Variants in NDST4 observed in about 807,000 individuals in gnomAD.
The protein encoded by NDST4 is N-deacetylase and N-sulfotransferase 4.
Under a neutral mutation model 100.8 loss-of-function variants are expected in NDST4, and 63 were observed. That is an observed-to-expected ratio of 0.62 (90% CI 0.51 to 0.77). The LOEUF (loss-of-function observed/expected upper bound fraction) is 0.77, where lower values mean the gene tolerates loss of function less well. NDST4 is among the 30% of genes least tolerant of loss of function. The pLI is 0.00. For synonymous variants in NDST4, 377 were observed against 361.8 expected (o/e 1.04, Z -0.48); for missense variants, 943 against 1,018.4 (o/e 0.93, Z 1.01).
chr4:115,091,895 C>T (rs1729528076), intron 1 of NDST4, among the ~76,000 whole-genome samples: 1 of 152,016 alleles, frequency 6.6e-6, no homozygotes, highest in African/African-American at 2.4e-5. Flanking sequence ...TACTAACAAA[C>T]CTTTGGTAAC....
intron 2 of NDST4, among the ~76,000 whole-genome samples, chr4:115,010,666 C>A (rs149809218): frequency 0.17 from 12,293 of 73,174 alleles, 3,978 homozygotes; most frequent in African/African-American, 0.5. Context: ...TGCACATGTA[C>A]CCTAAAACTT....
intron 2 of NDST4, among the ~76,000 whole-genome samples, chr4:115,039,077 G>A (rs28730954): frequency 0.094 from 14,311 of 152,106 alleles, 2,063 homozygotes; most frequent in African/African-American, 0.31. Flanking sequence ...ACTGAAAATC[G>A]TGGACTATAT....
In NDST4 at chr4:114,845,775, T is replaced by C. The variant is rs968433586; in HGVS notation, c.2115+48A>G. 3 of 1,523,934 alleles carry C rather than the reference T, an allele frequency of 2.0e-6. No homozygotes were observed. The African/African-American group carries it at 4.2e-5, about 21-fold the overall frequency. 94.4% of individuals were successfully genotyped at this position (1,523,934 alleles called of 1,614,324 possible). ...TTCTGGTTATTTTTCATTGCCTCCA[T>C]TTAAGCTATAACAAAATGCTTTTAG... On this transcript the variant is annotated intron_variant, in intron 10 of 13. Transcript: ENST00000264363.
intron 6 of NDST4, among the ~76,000 whole-genome samples, chr4:114,911,318 C>T (rs955032069): frequency 1.3e-5 from 2 of 152,078 alleles, no homozygotes; most frequent in Non-Finnish European, 2.9e-5. Context: ...GAGCTTATGC[C>T]AATTGCTACT....
At chr4:115,006,453 T>C (rs1727419380) in intron 2 of NDST4, among the ~76,000 whole-genome samples, 1 of 152,100 alleles carries the variant, frequency 6.6e-6, no homozygotes. Flanking sequence ...AAAGGGGTAG[T>C]AATAAATATG....
intron 2 of NDST4, among the ~76,000 whole-genome samples, chr4:115,042,751 A>C (rs1445854173): frequency 6.6e-6 from 1 of 152,084 alleles, no homozygotes; most frequent in Non-Finnish European, 1.5e-5. Flanking sequence ...TAGGCATCTT[A>C]ACAACTGGCA....
intron 1 of NDST4, among the ~76,000 whole-genome samples, chr4:115,112,200 GA>G (rs796142657): frequency 0.039 from 4,793 of 124,206 alleles, 186 homozygotes; most frequent in African/African-American, 0.1. Context: ...CTTTTGATAT[GA>G]AAAAAAAAAA....
intron 6 of NDST4, among the ~76,000 whole-genome samples, chr4:114,889,832 C>A (rs1408560621): frequency 6.6e-6 from 1 of 152,028 alleles, no homozygotes; most frequent in Non-Finnish European, 1.5e-5. Context: ...TTTATTTTCC[C>A]AGAGCCTCAG....
Position 115,097,632 on chromosome 4 carries a change from C to T in NDST4, c.-247+15812G>A, listed in dbSNP as rs182320915. ...AAATTTCTTTCTAATTGATCTCTGC[C>T]TAAGCCCTTGCTCCACATCATTTTT... On this transcript the variant is annotated intron_variant, in intron 1 of 13. Coordinates refer to ENST00000264363, the MANE Select transcript of NDST4 (RefSeq NM_022569.3). Among the ~76,000 whole-genome samples the T allele has an allele frequency of 2.9e-3, 440 of 152,232 alleles. 3 individuals carry two copies. The highest frequency in any genetic ancestry group is 4.8e-3 in the South Asian group (23 of 4,830).
intron 2 of NDST4, among the ~76,000 whole-genome samples, chr4:114,984,600 T>C (rs17047542): frequency 0.027 from 4,072 of 152,280 alleles, 123 homozygotes; most frequent in African/African-American, 0.067. Context: ...GATTATGATA[T>C]GGGAATCAGA....
chr4:114,974,441 G>C (rs2126242685), intron 3 of NDST4, among the ~76,000 whole-genome samples: 1 of 152,186 alleles, frequency 6.6e-6, no homozygotes, highest in East Asian at 1.9e-4. Context: ...CATTATTCAT[G>C]AATTAATTAT....
rs193024335 is a variant in NDST4, at chr4:115,089,101, T to C, written c.-246-11819A>G. ...ACAATAACCATATTTATGTCTTGAA[T>C]ATATTCACCTTCTTTCTCTACCCCA... is the stretch of plus-strand genomic sequence containing the variant. On this transcript the variant is annotated intron_variant, in intron 1 of 13. Transcript: ENST00000264363. Among the ~76,000 whole-genome samples the C allele has an allele frequency of 9.2e-5, 14 of 152,218 alleles. No individual in the cohort carries two copies. The East Asian group carries it at 1.7e-3, about 19-fold the overall frequency.
chr4:114,935,298 T>A lies in NDST4; in HGVS notation c.1444A>T (p.Thr482Ser). Residue 482 changes from threonine to serine, a missense_variant, in exon 6 of 14, where the codon ACT (threonine) becomes TCT (serine). By Grantham distance (58) the Thr-to-Ser change is moderately conservative. Around this residue, in one of 2 missense-constraint regions of NDST4, gnomAD observed 526 missense variants for 634.1 expected, o/e 0.83. Coordinates refer to ENST00000264363, the MANE Select transcript of NDST4 (RefSeq NM_022569.3). Reference protein sequence around the residue: ...PRQTCGLFTHTIFYKEYPGGP... With the variant: ...PRQTCGLFTHSIFYKEYPGGP... ...CCTGGATATTCTTTGTAGAAAATAG[T>A]GTGAGTGAACAACCCACAAGTCTGT... 1 of 1,610,336 alleles carries A rather than the reference T, an allele frequency of 6.2e-7. No homozygotes were observed. The highest frequency in any genetic ancestry group is 8.5e-7 in the Non-Finnish European group (1 of 1,178,360).
Position 115,012,424 on chromosome 4 carries a change from T to C in NDST4, c.979-35150A>G, listed in dbSNP as rs578215594. ...AATCAAATGTTTTATTACTTGACGG[T>C]TGCAAAGTAAAACTATCATTCCAAC... is the stretch of plus-strand genomic sequence containing the variant. On this transcript the variant is annotated intron_variant, in intron 2 of 13. Transcript: ENST00000264363. 7.1e-4 allele frequency among the ~76,000 whole-genome samples: 108 copies of C among 152,112 alleles called. 1 individual carries two copies. The highest frequency in any genetic ancestry group is 5.8e-4 in the East Asian group (3 of 5,176).
At chr4:115,061,057 C>T (rs1210796901) in intron 2 of NDST4, among the ~76,000 whole-genome samples, 3 of 151,924 alleles carry the variant, frequency 2.0e-5, no homozygotes, top group Non-Finnish European at 4.4e-5. Context: ...AGCCAACAAA[C>T]ATATGAAAAA....
intron 6 of NDST4, among the ~76,000 whole-genome samples, chr4:114,913,280 A>G (rs970475433): frequency 4.6e-5 from 7 of 152,028 alleles, no homozygotes; most frequent in Non-Finnish European, 1.0e-4. Flanking sequence ...GCAAATTTTG[A>G]TAAGGTTTTT....
chr4:114,895,558 C>T (rs1289367003), intron 6 of NDST4, among the ~76,000 whole-genome samples: 2 of 152,112 alleles, frequency 1.3e-5, no homozygotes, highest in Non-Finnish European at 2.9e-5. Flanking sequence ...ACCAGAACTA[C>T]AAAGAGGAAC....
chr4:114,876,460 G>T (rs1165377393), intron 6 of NDST4, among the ~76,000 whole-genome samples: 31 of 151,980 alleles, frequency 2.0e-4, no homozygotes, highest in African/African-American at 7.5e-4. Context: ...TCTAAAAATA[G>T]TCTGGAACCA....
rs1729143466 is a variant in NDST4 at position 115,074,617 on chromosome 4, T to C, written c.978+1442A>G. Among the ~76,000 whole-genome samples the C allele has an allele frequency of 5.3e-5, 8 of 152,122 alleles. No individual in the cohort carries two copies. In the South Asian group the frequency reaches 1.7e-3, roughly 31 times the overall value. On this transcript the variant is annotated intron_variant, in intron 2 of 13. Transcript: ENST00000264363. ...AAATATTTGGGTCACAGTCAAGCAG[T>C]GCTTCATAGGAACTTATTAAAAACA...
Sources: gnomAD v4.1 joint callset for allele counts (sites outside exome capture counted in the v4.1 genomes callset) on GRCh38, gnomAD v4.1.1 for gene constraint, gnomAD v4.1.1 regional missense constraint, MANE v1.5 for transcripts, NCBI Gene and HGNC (gene_info 2026-07-23, HGNC 2026-07-21) for gene names.